NRG1: variants seen among roughly 807,000 people sequenced by gnomAD.
NRG1 encodes neuregulin 1, also known as pro-neuregulin-1, membrane-bound isoform.
NRG1 carries 18 observed loss-of-function variants against 63.8 expected under a neutral mutation model. That is an observed-to-expected ratio of 0.28 (90% confidence interval 0.19 to 0.42). The LOEUF (loss-of-function observed/expected upper bound fraction) is 0.42. Among genes scored for constraint, NRG1 ranks in the 10% least tolerant of loss-of-function variants. The pLI is 1.00. For synonymous variants in NRG1, 302 were observed against 301.3 expected (o/e 1.00, Z -0.02); for missense variants, 762 against 814.7 (o/e 0.94, Z 0.79).
At chr8:32,262,450 C>G (rs561431397) in intron 1 of NRG1, among the ~76,000 whole-genome samples, 2 of 152,166 alleles carry the variant, frequency 1.3e-5, no homozygotes, top group African/African-American at 4.8e-5. Flanking sequence ...AAAGTACTAG[C>G]GGTTTTGTAG....
intron 1 of NRG1, among the ~76,000 whole-genome samples, chr8:31,840,804 G>T (rs549973216): frequency 2.0e-5 from 3 of 152,300 alleles, no homozygotes; most frequent in African/African-American, 7.2e-5. Flanking sequence ...TCTGTTAGGT[G>T]CAGTGTAGGA....
At chr8:32,616,252 C>T (rs1167555995) in intron 4 of NRG1, among the ~76,000 whole-genome samples, 2 of 151,766 alleles carry the variant, frequency 1.3e-5, no homozygotes, top group Non-Finnish European at 2.9e-5. Flanking sequence ...TAGATATCCC[C>T]AACTATTGTA....
At chr8:32,051,909 G>A (rs1410171059) in intron 1 of NRG1, among the ~76,000 whole-genome samples, 1 of 152,158 alleles carries the variant, frequency 6.6e-6, no homozygotes, top group Non-Finnish European at 1.5e-5. Context: ...GCGGGGAGGT[G>A]GATAAGTGGT....
intron 1 of NRG1, among the ~76,000 whole-genome samples, chr8:31,882,509 G>C (rs1013128777): frequency 6.6e-6 from 1 of 152,020 alleles, no homozygotes; most frequent in African/African-American, 2.4e-5. Context: ...CAACGTCTAA[G>C]TCTTGTTATT....
intron 1 of NRG1, among the ~76,000 whole-genome samples, chr8:32,055,905 A>G (rs1822854169): frequency 1.3e-5 from 2 of 152,092 alleles, no homozygotes; most frequent in Admixed American, 1.3e-4. Context: ...TAGGTAGGAG[A>G]GGATCCATTC....
intron 1 of NRG1, among the ~76,000 whole-genome samples, chr8:32,352,781 G>A (rs1168985887): frequency 6.6e-6 from 1 of 152,052 alleles, no homozygotes; most frequent in Non-Finnish European, 1.5e-5. Context: ...TGCCAGAAGA[G>A]AAGGGAGGAT....
intron 1 of NRG1, among the ~76,000 whole-genome samples, chr8:32,005,975 C>G (rs1278787749): frequency 6.6e-6 from 1 of 151,980 alleles, no homozygotes; most frequent in Non-Finnish European, 1.5e-5. Flanking sequence ...CTCTCACTTT[C>G]TCACTATTTG....
chr8:31,728,937 G>A (rs10954811), intron 1 of NRG1, among the ~76,000 whole-genome samples: 31,951 of 152,158 alleles, frequency 0.21, 3,792 homozygotes, highest in Non-Finnish European at 0.26. Flanking sequence ...GAAAGATGAT[G>A]TTTTGTCTGT....
intron 1 of NRG1, among the ~76,000 whole-genome samples, chr8:31,913,469 G>C (rs1373010545): frequency 2.0e-5 from 3 of 152,140 alleles, no homozygotes; most frequent in African/African-American, 7.2e-5. Context: ...AAGTTGAGGA[G>C]TTCGTCAAAA....
At chr8:32,207,962 G>C (rs779150323) in intron 1 of NRG1, among the ~76,000 whole-genome samples, 1 of 152,108 alleles carries the variant, frequency 6.6e-6, no homozygotes, top group African/African-American at 2.4e-5. Flanking sequence ...TACCATCCTT[G>C]GGTGTTAAGG....
At chr8:31,791,971 G>C (rs1449705636) in intron 1 of NRG1, among the ~76,000 whole-genome samples, 1 of 152,164 alleles carries the variant, frequency 6.6e-6, no homozygotes, top group Non-Finnish European at 1.5e-5. Context: ...CTCCTTGGTT[G>C]GCTCCAAGGA....
At chr8:32,386,943 T>C (rs866017937) in intron 1 of NRG1, among the ~76,000 whole-genome samples, 3 of 151,928 alleles carry the variant, frequency 2.0e-5, no homozygotes, top group Non-Finnish European at 4.4e-5. Flanking sequence ...AATGATGTCC[T>C]TGTGAGAACA....
intron 1 of NRG1, among the ~76,000 whole-genome samples, chr8:31,790,247 C>G (rs1382803854): frequency 1.3e-5 from 2 of 151,894 alleles, no homozygotes; most frequent in African/African-American, 4.8e-5. Flanking sequence ...GGATATGGGA[C>G]CCTAAAACTA....
chr8:32,543,761 TTTTC>T (rs1274629082), upstream of NRG1, among the ~76,000 whole-genome samples: 1 of 152,180 alleles, frequency 6.6e-6, no homozygotes, highest in East Asian at 1.9e-4. Context: ...CTTTTAGCAT[TTTTC>T]TTTGAATTCT....
intron 1 of NRG1, among the ~76,000 whole-genome samples, chr8:32,215,174 T>G (rs1845086748): frequency 6.6e-6 from 1 of 152,212 alleles, no homozygotes; most frequent in East Asian, 1.9e-4. Flanking sequence ...CTGGAAACAT[T>G]AAGAATAAAT....
chr8:32,366,659 G>A (rs1297437772), intron 1 of NRG1, among the ~76,000 whole-genome samples: 4 of 61,998 alleles, frequency 6.5e-5, no homozygotes, highest in African/African-American at 2.5e-4. Flanking sequence ...TATATTGTGT[G>A]TGTGTGTGTG....
intron 1 of NRG1, among the ~76,000 whole-genome samples, chr8:32,010,230 A>G (rs542065591): frequency 1.3e-5 from 2 of 152,204 alleles, no homozygotes; most frequent in African/African-American, 4.8e-5. Flanking sequence ...GTGTAAAACA[A>G]ATATCCTCAT....
At chr8:31,894,371 A>G (rs1831388268) in intron 1 of NRG1, among the ~76,000 whole-genome samples, 2 of 152,154 alleles carry the variant, frequency 1.3e-5, no homozygotes, top group African/African-American at 4.8e-5. Flanking sequence ...AATTCTATGC[A>G]GGCATTATAA....
chr8:31,852,571 C>G (rs1310903273), intron 1 of NRG1, among the ~76,000 whole-genome samples: 1 of 151,352 alleles, frequency 6.6e-6, no homozygotes, highest in Admixed American at 6.6e-5. Context: ...CCTGTTCACT[C>G]TGATGGTAGT....
Sources: allele counts gnomAD v4.1 joint callset (sites outside exome capture counted in the v4.1 genomes callset), GRCh38; gene constraint gnomAD v4.1.1; transcripts MANE v1.5; gene names NCBI Gene and HGNC (gene_info 2026-07-23, HGNC 2026-07-21).